RPH3A: variants seen among roughly 807,000 people sequenced by gnomAD.
RPH3A encodes the protein rabphilin-3A.
RPH3A carries 48 observed loss-of-function variants against 102.2 expected under a neutral mutation model. The observed-to-expected ratio is 0.47, with a 90% CI of 0.37 to 0.60. The LOEUF is 0.60. Ranked by LOEUF, RPH3A falls within the 20% of genes least tolerant of loss-of-function variation. The pLI is 0.00. For synonymous variants in RPH3A, 310 were observed against 324.3 expected, an observed-to-expected ratio of 0.96 and a Z score of 0.47; for missense variants, 781 against 910.1, an observed-to-expected ratio of 0.86 and a Z score of 1.83.
At chr12:112,896,551 G>A in intron 21 of RPH3A, 99 bp from the exon 22 acceptor site, 3 of 1,400,344 alleles carry the variant, frequency 2.1e-6, no homozygotes, top group South Asian at 2.6e-5. Context: ...AGGTTGCTGG[G>A]GGTCACTGCT....
At chr12:112,615,316 C>T (rs1364563197) in intron 1 of RPH3A, among the ~76,000 whole-genome samples, 1 of 152,174 alleles carries the variant, frequency 6.6e-6, no homozygotes, top group African/African-American at 2.4e-5. Context: ...TGCCCCCAGC[C>T]ATCTGGTGAA....
intron 4 of RPH3A, among the ~76,000 whole-genome samples, chr12:112,839,314 C>CT (rs141224326): frequency 4.7e-4 from 70 of 150,250 alleles, no homozygotes; most frequent in South Asian, 1.5e-3. Context: ...TCTTTTTTTT[C>CT]TTTTTTTTTG....
Position 112,586,438 on chromosome 12 carries a change from C to T in RPH3A, c.-140+11119C>T, listed in dbSNP as rs944710959. Reference sequence around the variant, plus strand: ...ATCTGAAAAGGCATTTGAGTAAGGACCTGGATGCAGTGAGGGAGTAAGGCA... The same window carrying T: ...ATCTGAAAAGGCATTTGAGTAAGGATCTGGATGCAGTGAGGGAGTAAGGCA... On this transcript the variant is annotated intron_variant, in intron 1 of 21. Coordinates refer to the RPH3A transcript ENST00000543106. 2.6e-5 allele frequency among the ~76,000 whole-genome samples: 4 copies of T among 152,052 alleles called. 1 individual carries two copies.
At chr12:112,845,025 CG>C (rs145978359) in intron 4 of RPH3A, among the ~76,000 whole-genome samples, 1 of 152,300 alleles carries the variant, frequency 6.6e-6, no homozygotes, top group East Asian at 1.9e-4. Flanking sequence ...CACAACATGG[CG>C]GCTGGCCAAG....
chr12:112,777,181 C>T (rs557888720), intron 1 of RPH3A, among the ~76,000 whole-genome samples: 1 of 152,258 alleles, frequency 6.6e-6, no homozygotes, highest in East Asian at 1.9e-4. Context: ...TGTGAGAATT[C>T]AGTTGGATCA....
At chr12:112,600,307 C>T (rs916201092) in intron 1 of RPH3A, among the ~76,000 whole-genome samples, 2 of 152,166 alleles carry the variant, frequency 1.3e-5, no homozygotes, top group African/African-American at 4.8e-5. Flanking sequence ...AATGCCAGCT[C>T]TGATAATCCT....
intron 1 of RPH3A, among the ~76,000 whole-genome samples, chr12:112,730,118 G>T (rs1565863418): frequency 1.2e-4 from 18 of 152,186 alleles, no homozygotes. Flanking sequence ...ACCACCAGAT[G>T]GAACAGATCC....
At chr12:112,805,668 G>A (rs1480093914) in intron 2 of RPH3A, among the ~76,000 whole-genome samples, 1 of 152,180 alleles carries the variant, frequency 6.6e-6, no homozygotes, top group Non-Finnish European at 1.5e-5. Flanking sequence ...GACAGAGTTT[G>A]CTCGTTGACA....
At chr12:112,673,751 G>A (rs146867751) in intron 1 of RPH3A, among the ~76,000 whole-genome samples, 1 of 152,154 alleles carries the variant, frequency 6.6e-6, no homozygotes, top group South Asian at 2.1e-4. Context: ...TCACCCTCTT[G>A]TGCTATCAAA....
intron 6 of RPH3A, among the ~76,000 whole-genome samples, chr12:112,866,029 C>CT (rs1372481487): frequency 6.6e-6 from 1 of 152,212 alleles, no homozygotes; most frequent in Non-Finnish European, 1.5e-5. Flanking sequence ...ATCCTGAACT[C>CT]TGTTCACCCT....
At chr12:112,689,741 G>T (rs549949614) in intron 1 of RPH3A, among the ~76,000 whole-genome samples, 59 of 152,212 alleles carry the variant, frequency 3.9e-4, no homozygotes, top group Non-Finnish European at 7.6e-4. Flanking sequence ...TTTCCCCTGG[G>T]CCATTCAAAG....
chr12:112,646,310 G>T (rs1485606916), intron 1 of RPH3A, among the ~76,000 whole-genome samples: 1 of 152,148 alleles, frequency 6.6e-6, no homozygotes, highest in Non-Finnish European at 1.5e-5. Flanking sequence ...TCATCTTAAT[G>T]TCAGTAAGTA....
intron 1 of RPH3A, among the ~76,000 whole-genome samples, chr12:112,701,881 T>C (rs1332728024): frequency 2.6e-5 from 4 of 152,204 alleles, no homozygotes; most frequent in Non-Finnish European, 2.9e-5. Flanking sequence ...GAAATTATGA[T>C]TTGAAATAAT....
At chr12:112,727,404 AAAAT>A (rs2040598938) in intron 1 of RPH3A, among the ~76,000 whole-genome samples, 5 of 129,818 alleles carry the variant, frequency 3.9e-5, no homozygotes, top group African/African-American at 1.4e-4. Context: ...AAAAAAAAAA[AAAAT>A]ATATATATAT....
At chr12:112,632,078 G>T (rs2039811118) in intron 1 of RPH3A, among the ~76,000 whole-genome samples, 1 of 152,086 alleles carries the variant, frequency 6.6e-6, no homozygotes, top group South Asian at 2.1e-4. Context: ...TTATGATAGT[G>T]AATAAGTCTC....
chr12:112,579,128 G>C (rs779535479), intron 1 of RPH3A, among the ~76,000 whole-genome samples: 1 of 152,080 alleles, frequency 6.6e-6, no homozygotes, highest in East Asian at 1.9e-4. Flanking sequence ...GGTGTCTCAA[G>C]GGCAGAAGGA....
intron 1 of RPH3A, among the ~76,000 whole-genome samples, chr12:112,580,675 G>A (rs4766971): frequency 0.13 from 20,483 of 151,964 alleles, 2,731 homozygotes; most frequent in East Asian, 0.79. Context: ...CAAAGTGCTG[G>A]GATTATAGAC....
At chr12:112,772,662 TTAG>T (rs1181791410) in intron 1 of RPH3A, among the ~76,000 whole-genome samples, 1 of 152,196 alleles carries the variant, frequency 6.6e-6, no homozygotes, top group African/African-American at 2.4e-5. Flanking sequence ...TTATTATTTA[TTAG>T]TAGTAGTATT....
intron 14 of RPH3A, among the ~76,000 whole-genome samples, chr12:112,880,688 A>G (rs1000845641): frequency 3.3e-5 from 5 of 152,174 alleles, no homozygotes; most frequent in African/African-American, 7.2e-5. Context: ...CTGAAAATCT[A>G]TGGTATAACT....
Sources: allele counts gnomAD v4.1 joint callset (sites outside exome capture counted in the v4.1 genomes callset), GRCh38; gene constraint gnomAD v4.1.1; transcripts MANE v1.5; gene names NCBI Gene and HGNC (gene_info 2026-07-23, HGNC 2026-07-21).